EPHA5: variants seen among roughly 807,000 people sequenced by gnomAD.
EPHA5 encodes EPH receptor A5.
EPHA5 carries 60 observed loss-of-function variants against 105.0 expected under a neutral mutation model. That is an observed-to-expected ratio of 0.57 (90% CI 0.46 to 0.71). EPHA5 has a LOEUF of 0.71. EPHA5 is among the 30% of genes least tolerant of loss of function. EPHA5 has a pLI of 0.00. For synonymous variants in EPHA5, 513 were observed against 449.1 expected (o/e 1.14, Z -1.80); for missense variants, 1,218 against 1,274.7 (o/e 0.96, Z 0.68).
chr4:65,487,614 AT>A (rs1301913841), intron 5 of EPHA5, among the ~76,000 whole-genome samples: 2 of 152,156 alleles, frequency 1.3e-5, no homozygotes, highest in Non-Finnish European at 2.9e-5. Context: ...AAACTGGCTC[AT>A]TTGGTCTTGT....
intron 6 of EPHA5, 66 bp downstream of exon 6, chr4:65,420,374 GA>G (rs1723824635): frequency 6.9e-7 from 1 of 1,441,456 alleles, no homozygotes; most frequent in Non-Finnish European, 9.4e-7. Flanking sequence ...CTGCAAGTTG[GA>G]TAATTGTAGT....
At position 65,669,687 on chromosome 4, in the gene EPHA5, C is replaced by A. The variant is rs2149571881; in HGVS notation, c.56G>T (p.Gly19Val). ...GGACGCTGGGGTGATGGGGGTGTCG[C>A]CGCCGCCGCTTGGGGGCCGCCGGCG... is the stretch of plus-strand genomic sequence containing the variant. ...AGRRRPPSGG[G>V]DTPITPASLA... The change falls in exon 1 of 17, where the codon GGC becomes GTC. Residue 19 changes from glycine to valine, a missense_variant. Gly to Val is a moderately radical substitution (Grantham distance 109, BLOSUM62 -3). Coordinates refer to ENST00000613740, the MANE Select transcript of EPHA5 (RefSeq NM_001281766.3). 2 of 1,316,280 alleles carry A rather than the reference C, an allele frequency of 1.5e-6. No individual in the cohort carries two copies. Among genetic ancestry groups the A allele is most frequent in the East Asian group, 2.9e-5 (1 of 34,470 alleles). 81.5% of individuals were successfully genotyped at this position (1,316,280 alleles called of 1,614,324 possible).
chr4:65,620,084 G>A (rs73824357), intron 2 of EPHA5, among the ~76,000 whole-genome samples: 1,879 of 140,500 alleles, frequency 0.013, 40 homozygotes, highest in African/African-American at 0.047. Context: ...AACTACACCA[G>A]ATCTACAGAA....
chr4:65,543,773 C>A (rs1314530718), intron 3 of EPHA5, among the ~76,000 whole-genome samples: 1 of 151,938 alleles, frequency 6.6e-6, no homozygotes, highest in Non-Finnish European at 1.5e-5. Context: ...CAAGGCAATC[C>A]TGAGCAAAAA....
At chr4:65,602,978 CAG>C (rs969766928) in intron 2 of EPHA5, among the ~76,000 whole-genome samples, 2 of 151,898 alleles carry the variant, frequency 1.3e-5, no homozygotes, top group Admixed American at 1.3e-4. Context: ...AACATGGAGA[CAG>C]ATATGAAAGA....
intron 5 of EPHA5, among the ~76,000 whole-genome samples, chr4:65,452,211 A>T (rs1727133586): frequency 1.3e-5 from 2 of 152,142 alleles, no homozygotes; most frequent in Admixed American, 1.3e-4. Flanking sequence ...AGTTGTGTTT[A>T]ACCACTTCAG....
At chr4:65,589,952 C>T (rs1742476664) in intron 3 of EPHA5, among the ~76,000 whole-genome samples, 1 of 152,052 alleles carries the variant, frequency 6.6e-6, no homozygotes, top group Non-Finnish European at 1.5e-5. Flanking sequence ...TAGATATGTC[C>T]TAATGGAATC....
intron 1 of EPHA5, among the ~76,000 whole-genome samples, chr4:65,649,204 G>A (rs189473234): frequency 2.0e-5 from 3 of 152,322 alleles, no homozygotes; most frequent in Admixed American, 6.5e-5. Flanking sequence ...GGCAATTTAT[G>A]TATAAAGCAG....
chr4:65,635,069 T>C (rs1746996221), intron 2 of EPHA5, among the ~76,000 whole-genome samples: 1 of 152,050 alleles, frequency 6.6e-6, no homozygotes, highest in Non-Finnish European at 1.5e-5. Flanking sequence ...AGAAAACACA[T>C]AAAACACTAA....
intron 1 of EPHA5, among the ~76,000 whole-genome samples, chr4:65,647,328 CAAAAAA>C (rs55995799): frequency 5.6e-5 from 4 of 70,894 alleles, no homozygotes; most frequent in African/African-American, 5.7e-5. Flanking sequence ...GACTCTGTCT[CAAAAAA>C]AAAAAAAAAA....
chr4:65,419,648 C>A (rs556854467), intron 6 of EPHA5, among the ~76,000 whole-genome samples: 17 of 152,168 alleles, frequency 1.1e-4, no homozygotes, highest in Admixed American at 5.2e-4. Context: ...TCAGGTCCAG[C>A]CAGTAGAAAA....
At chr4:65,592,544 A>G (rs1742769164) in intron 3 of EPHA5, among the ~76,000 whole-genome samples, 1 of 152,162 alleles carries the variant, frequency 6.6e-6, no homozygotes, top group East Asian at 1.9e-4. Context: ...AAAAGAAAAG[A>G]AAAAAATTTA....
chr4:65,516,161 C>T (rs993572710), intron 3 of EPHA5, among the ~76,000 whole-genome samples: 1 of 152,112 alleles, frequency 6.6e-6, no homozygotes, highest in Non-Finnish European at 1.5e-5. Context: ...CTAAAATCGA[C>T]CTATAACTTT....
At chr4:65,348,717 ATATATATGTGTGTG>A (rs1428793515) in intron 13 of EPHA5, among the ~76,000 whole-genome samples, 1 of 125,068 alleles carries the variant, frequency 8.0e-6, no homozygotes, top group African/African-American at 2.9e-5. Flanking sequence ...ATGTGTGTGT[ATATATATGTGTGTG>A]TATATATATG....
At chr4:65,646,269 A>C (rs550787774) in intron 1 of EPHA5, among the ~76,000 whole-genome samples, 1 of 152,318 alleles carries the variant, frequency 6.6e-6, no homozygotes, top group African/African-American at 2.4e-5. Context: ...GAATTCTCTT[A>C]TAAGAACACC....
intron 5 of EPHA5, among the ~76,000 whole-genome samples, chr4:65,445,006 A>T (rs367741695): frequency 1.3e-5 from 2 of 152,212 alleles, no homozygotes; most frequent in East Asian, 3.9e-4. Context: ...TGGAGTTTAG[A>T]AGAGTTGAAT....
intron 3 of EPHA5, among the ~76,000 whole-genome samples, chr4:65,596,121 T>G (rs1056463979): frequency 3.9e-5 from 6 of 152,238 alleles, no homozygotes. Flanking sequence ...TTCTTCCAAA[T>G]TTAAAGAAAA....
intron 2 of EPHA5, among the ~76,000 whole-genome samples, chr4:65,619,250 T>C (rs952268225): frequency 1.3e-5 from 2 of 152,230 alleles, no homozygotes; most frequent in African/African-American, 4.8e-5. Context: ...TAATCTATAA[T>C]AAACAATTTA....
At chr4:65,328,269 C>T (rs963855692) in intron 16 of EPHA5, among the ~76,000 whole-genome samples, 1 of 151,162 alleles carries the variant, frequency 6.6e-6, no homozygotes, top group African/African-American at 2.4e-5. Flanking sequence ...AGAAAAGCTT[C>T]AAATGTTATG....
Sources: allele counts gnomAD v4.1 joint callset (sites outside exome capture counted in the v4.1 genomes callset), GRCh38; gene constraint gnomAD v4.1.1; transcripts MANE v1.5; gene names NCBI Gene and HGNC (gene_info 2026-07-23, HGNC 2026-07-21).